ATP10B: variants seen among roughly 807,000 people sequenced by gnomAD.
ATP10B encodes the protein ATPase phospholipid transporting 10B (putative).
Under a neutral mutation model 141.2 loss-of-function variants are expected in ATP10B, and 122 were observed. The observed-to-expected ratio is 0.86, with a 90% CI of 0.75 to 1.00. ATP10B has a LOEUF of 1.00. Ranked by LOEUF, ATP10B falls within the 50% of genes least tolerant of loss-of-function variation. The probability of loss-of-function intolerance (pLI) is 0.00; values close to 1 mark genes in which losing one functional copy is unlikely to be tolerated. For synonymous variants in ATP10B, 685 were observed against 692.0 expected (o/e 0.99, Z 0.16); for missense variants, 1,876 against 1,825.3 (o/e 1.03, Z -0.51).
chr5:160,832,541 G>C (rs1289967567), intron 1 of ATP10B, among the ~76,000 whole-genome samples: 1 of 152,076 alleles, frequency 6.6e-6, no homozygotes, highest in African/African-American at 2.4e-5. Context: ...AAGGGTGTGT[G>C]AATGTGTACA....
chr5:160,887,255 A>T, the ATP10B span, among the ~76,000 whole-genome samples: 6 of 152,188 alleles, frequency 3.9e-5, no homozygotes, highest in Non-Finnish European at 8.8e-5. Flanking sequence ...ACCAATGTAT[A>T]TCCTGCTATA....
intron 3 of ATP10B, among the ~76,000 whole-genome samples, chr5:160,697,055 A>C (rs1764406060): frequency 6.6e-6 from 1 of 152,224 alleles, no homozygotes; most frequent in South Asian, 2.1e-4. Context: ...ATTTATTAGA[A>C]TACAAAATGT....
At chr5:160,708,905 G>GTA (rs1765181863) in intron 3 of ATP10B, among the ~76,000 whole-genome samples, 2 of 152,170 alleles carry the variant, frequency 1.3e-5, no homozygotes, top group Non-Finnish European at 2.9e-5. Context: ...TTCAGACAGT[G>GTA]TATATTGGCA....
chr5:160,736,752 C>A (rs537956218), intron 2 of ATP10B, among the ~76,000 whole-genome samples: 1 of 152,020 alleles, frequency 6.6e-6, no homozygotes, highest in South Asian at 2.1e-4. Context: ...AGAGTGAGAC[C>A]CCATCTCAAA....
chr5:160,644,104 A>T, intron 9 of ATP10B, 34 bp downstream of exon 9: 1 of 1,578,588 alleles, frequency 6.3e-7, no homozygotes, highest in Non-Finnish European at 8.7e-7. Flanking sequence ...GGATAAAGGA[A>T]AATTCAGACA....
intron 1 of ATP10B, among the ~76,000 whole-genome samples, chr5:160,787,125 C>CACACCACACACAA (rs1341431331): frequency 1.7e-4 from 15 of 89,902 alleles, no homozygotes; most frequent in African/African-American, 4.3e-4. Context: ...CACACACACA[C>CACACCACACACAA]ACACACACAC....
chr5:160,859,764 T>C, the ATP10B span, among the ~76,000 whole-genome samples: 8 of 151,926 alleles, frequency 5.3e-5, no homozygotes, highest in African/African-American at 1.7e-4. Context: ...AAGTTTAGTA[T>C]GGCCGTCAGG....
At chr5:160,745,147 G>A (rs1242545065) in intron 2 of ATP10B, among the ~76,000 whole-genome samples, 4 of 152,214 alleles carry the variant, frequency 2.6e-5, no homozygotes, top group Admixed American at 6.5e-5. Context: ...TATTACCATT[G>A]TCATTATTGT....
intron 18 of ATP10B, among the ~76,000 whole-genome samples, chr5:160,608,079 T>TC (rs1757496922): frequency 1.3e-5 from 2 of 151,814 alleles, no homozygotes; most frequent in Non-Finnish European, 2.9e-5. Flanking sequence ...CCCTCCTCCA[T>TC]CCCCCCACCC....
At chr5:160,758,406 A>C (rs1273481637) in intron 2 of ATP10B, among the ~76,000 whole-genome samples, 2 of 152,206 alleles carry the variant, frequency 1.3e-5, no homozygotes, top group African/African-American at 4.8e-5. Context: ...AGATATTATT[A>C]TTATAGAGGC....
intron 2 of ATP10B, among the ~76,000 whole-genome samples, chr5:160,737,774 C>T (rs757090013): frequency 9.2e-5 from 14 of 151,706 alleles, no homozygotes; most frequent in Admixed American, 2.6e-4. Context: ...ACATAACAAT[C>T]GTAAATGTAT....
At chr5:160,614,399 A>G (rs1372003887) in intron 17 of ATP10B, 1 of 152,218 alleles carries the variant, frequency 6.6e-6, no homozygotes, top group Non-Finnish European at 1.5e-5. Context: ...GAACCGGAGG[A>G]ACACCTCTCA....
Position 160,565,221 on chromosome 5 carries a change from A to G in ATP10B, c.*232T>C, listed in dbSNP as rs561964395. 1 of 557,296 alleles carries G rather than the reference A, an allele frequency of 1.8e-6. No homozygotes were observed. The highest frequency in any genetic ancestry group is 2.4e-5 in the South Asian group (1 of 42,280). 34.5% of individuals were successfully genotyped at this position (557,296 alleles called of 1,614,324 possible). On this transcript the variant is annotated 3_prime_UTR_variant, in exon 26 of 26. Coordinates refer to ENST00000327245, the MANE Select transcript of ATP10B (RefSeq NM_025153.3). ...TCAACAAAAACAGCCTCCTTCTCCA[A>G]ACTGTTTGCAAGATGTGCTGCCTGA...
intron 1 of ATP10B, among the ~76,000 whole-genome samples, chr5:160,791,551 A>G (rs1393198400): frequency 1.3e-5 from 2 of 152,132 alleles, no homozygotes; most frequent in African/African-American, 4.8e-5. Flanking sequence ...GGAAAGAAGG[A>G]TGATTCTGAC....
intron 7 of ATP10B, among the ~76,000 whole-genome samples, chr5:160,653,279 ATAGG>A (rs1314517757): frequency 7.5e-6 from 1 of 133,168 alleles, no homozygotes; most frequent in Non-Finnish European, 1.5e-5. Flanking sequence ...ACATACATAC[ATAGG>A]TAGTATATAT....
intron 3 of ATP10B, among the ~76,000 whole-genome samples, chr5:160,708,075 C>T (rs1280940815): frequency 6.6e-6 from 1 of 152,092 alleles, no homozygotes; most frequent in African/African-American, 2.4e-5. Flanking sequence ...TTTAGAAAAA[C>T]CACTGGGCAT....
intron 2 of ATP10B, among the ~76,000 whole-genome samples, chr5:160,724,704 C>T (rs1050593461): frequency 6.6e-6 from 1 of 152,096 alleles, no homozygotes; most frequent in Non-Finnish European, 1.5e-5. Flanking sequence ...AGGTCATGTG[C>T]CCCCTCAAAG....
chr5:160,594,685 T>C (rs956292779), intron 22 of ATP10B, among the ~76,000 whole-genome samples: 15 of 150,462 alleles, frequency 1.0e-4, no homozygotes, highest in Non-Finnish European at 7.4e-5. Context: ...AATAAAAGGA[T>C]GGAGGAAGAT....
intron 1 of ATP10B, among the ~76,000 whole-genome samples, chr5:160,838,790 TCA>T (rs776474409): frequency 2.3e-4 from 35 of 152,248 alleles, no homozygotes; most frequent in Non-Finnish European, 4.6e-4. Context: ...TCCCTCCAAT[TCA>T]CATACTGAAA....
Sources: gnomAD v4.1 joint callset for allele counts (sites outside exome capture counted in the v4.1 genomes callset) on GRCh38, gnomAD v4.1.1 for gene constraint, MANE v1.5 for transcripts, NCBI Gene and HGNC (gene_info 2026-07-23, HGNC 2026-07-21) for gene names.